Variants in GALNT13 observed in about 807,000 individuals in gnomAD.
The protein encoded by GALNT13 is polypeptide N-acetylgalactosaminyltransferase 13, also known as UDP-GalNAc:polypeptide N-acetylgalactosaminyltransferase 13.
Under a neutral mutation model 64.2 loss-of-function variants are expected in GALNT13, and 28 were observed. The observed-to-expected ratio is 0.44, with a 90% CI of 0.32 to 0.60. The LOEUF (loss-of-function observed/expected upper bound fraction) is 0.60, where lower values mean the gene tolerates loss of function less well. Ranked by LOEUF, GALNT13 falls within the 20% of genes least tolerant of loss-of-function variation. The pLI, the probability that GALNT13 is intolerant of heterozygous loss-of-function variation, is 0.05. For missense variants in GALNT13, 577 were observed against 669.8 expected (o/e 0.86, Z 1.53); for synonymous variants, 214 against 224.6 (o/e 0.95, Z 0.42).
intron 3 of GALNT13, among the ~76,000 whole-genome samples, chr2:154,062,851 T>TA (rs1558937592): frequency 4.6e-5 from 3 of 65,026 alleles, no homozygotes; most frequent in Non-Finnish European, 1.0e-4. Context: ...CAACATGGAA[T>TA]GTTTTTTTTT....
chr2:153,746,724 A>C, the GALNT13 span, among the ~76,000 whole-genome samples: 5 of 152,134 alleles, frequency 3.3e-5, no homozygotes, highest in African/African-American at 1.2e-4. Context: ...TGAGAGTTTA[A>C]GTTATTCTGT....
intron 3 of GALNT13, among the ~76,000 whole-genome samples, chr2:154,089,358 A>G (rs879787635): frequency 6.6e-6 from 1 of 151,922 alleles, no homozygotes; most frequent in Non-Finnish European, 1.5e-5. Flanking sequence ...CTTTCCTCTT[A>G]TAGCATGAAA....
intron 2 of GALNT13, among the ~76,000 whole-genome samples, chr2:153,914,924 C>T (rs780510308): frequency 6.6e-6 from 1 of 152,222 alleles, no homozygotes; most frequent in African/African-American, 2.4e-5. Flanking sequence ...AGGAGGGTGC[C>T]TGGATCCTGT....
intron 3 of GALNT13, among the ~76,000 whole-genome samples, chr2:154,131,445 T>G (rs1431085132): frequency 6.6e-6 from 1 of 152,196 alleles, no homozygotes; most frequent in Non-Finnish European, 1.5e-5. Context: ...TGTGAGGAAC[T>G]TATATCCTAG....
intron 9 of GALNT13, among the ~76,000 whole-genome samples, chr2:154,389,491 T>C (rs972111189): frequency 1.3e-5 from 2 of 152,224 alleles, no homozygotes; most frequent in Non-Finnish European, 2.9e-5. Flanking sequence ...TGCTGCAATA[T>C]GTATTCTTGT....
At chr2:154,414,839 G>A (rs1699940735) in intron 11 of GALNT13, among the ~76,000 whole-genome samples, 2 of 151,430 alleles carry the variant, frequency 1.3e-5, no homozygotes, top group African/African-American at 4.8e-5. Context: ...ACCAATGTTT[G>A]CCTTAATACT....
the GALNT13 span, among the ~76,000 whole-genome samples, chr2:153,082,042 T>C: frequency 6.6e-6 from 1 of 152,200 alleles, no homozygotes; most frequent in African/African-American, 2.4e-5. Context: ...TGTTGTTGCC[T>C]GTCTGTTGGA....
chr2:153,267,923 C>T, the GALNT13 span, among the ~76,000 whole-genome samples: 1 of 152,074 alleles, frequency 6.6e-6, no homozygotes, highest in Non-Finnish European at 1.5e-5. Flanking sequence ...GGGAAAACAC[C>T]CCAATGATTT....
At chr2:153,961,811 G>A (rs7589643) in intron 3 of GALNT13, among the ~76,000 whole-genome samples, 80,221 of 151,932 alleles carry the variant, frequency 0.53, 22,973 homozygotes, top group Non-Finnish European at 0.66. Flanking sequence ...GGAATGGACA[G>A]ATTTTATCTC....
chr2:153,635,404 A>ATATATATATACACATATATATG, the GALNT13 span, among the ~76,000 whole-genome samples: 35 of 128,404 alleles, frequency 2.7e-4, 2 homozygotes, highest in Middle Eastern at 4.2e-3. Flanking sequence ...ATATGTATAT[A>ATATATATATACACATATATATG]TATATATATA....
chr2:153,996,559 A>G (rs1025102117), intron 3 of GALNT13, among the ~76,000 whole-genome samples: 3 of 151,970 alleles, frequency 2.0e-5, no homozygotes, highest in Non-Finnish European at 4.4e-5. Context: ...TGAGTTCTTC[A>G]TATATTCTGG....
intron 5 of GALNT13, 99 bp downstream of exon 5, chr2:154,242,295 G>A (rs761551782): frequency 1.0e-6 from 1 of 974,106 alleles, no homozygotes; most frequent in South Asian, 1.7e-5. Context: ...AGATAACTAG[G>A]CAATGATCTA....
chr2:153,929,382 G>C (rs192109955), intron 2 of GALNT13, among the ~76,000 whole-genome samples: 1 of 152,170 alleles, frequency 6.6e-6, no homozygotes, highest in Admixed American at 6.6e-5. Context: ...GGGGGCAGGT[G>C]GAGGTTCGTT....
the GALNT13 span, among the ~76,000 whole-genome samples, chr2:153,821,959 G>A: frequency 6.6e-6 from 1 of 152,080 alleles, no homozygotes; most frequent in African/African-American, 2.4e-5. Flanking sequence ...ACTCAACTCT[G>A]TTCACACAAA....
chr2:154,110,197 G>GTTT lies in GALNT13; in HGVS notation c.143-30138_143-30137insTTT, dbSNP rs376381139. Among the ~76,000 whole-genome samples the GTTT allele has an allele frequency of 2.3e-3, 342 of 146,272 alleles. 4 individuals carry two copies. Among genetic ancestry groups the GTTT allele is most frequent in the African/African-American group, 7.8e-3 (310 of 39,728 alleles). On this transcript the variant is annotated intron_variant, in intron 3 of 12. Transcript: ENST00000392825. ...GATTTTGTCTTTTGTTGTTGTTGTTGTTGTTTTAGTTTTTATTTCCAAAGG... is the reference window on the plus strand; with the variant it reads ...GATTTTGTCTTTTGTTGTTGTTGTTGTTTTTGTTTTAGTTTTTATTTCCAAAGG...
At chr2:153,733,731 G>A in the GALNT13 span, among the ~76,000 whole-genome samples, 2 of 152,302 alleles carry the variant, frequency 1.3e-5, no homozygotes, top group Admixed American at 6.5e-5. Context: ...GTGGAAAGTG[G>A]AAGCCACTGC....
chr2:153,180,937 TTTTG>T, the GALNT13 span, among the ~76,000 whole-genome samples: 2 of 151,616 alleles, frequency 1.3e-5, no homozygotes, highest in South Asian at 2.1e-4. Context: ...GGTTTATTAA[TTTTG>T]TTTATCTTTT....
chr2:153,532,126 G>A, the GALNT13 span, among the ~76,000 whole-genome samples: 52,336 of 151,752 alleles, frequency 0.34, 10,042 homozygotes, highest in East Asian at 0.75. Context: ...TTTTCCCACC[G>A]CACTTCCCTA....
chr2:153,811,406 A>C, the GALNT13 span, among the ~76,000 whole-genome samples: 1 of 152,200 alleles, frequency 6.6e-6, no homozygotes, highest in Admixed American at 6.5e-5. Flanking sequence ...GGTTGCTGAG[A>C]AACTGAATCA....
Sources: gnomAD v4.1 joint callset for allele counts (sites outside exome capture counted in the v4.1 genomes callset) on GRCh38, gnomAD v4.1.1 for gene constraint, MANE v1.5 for transcripts, NCBI Gene and HGNC (gene_info 2026-07-23, HGNC 2026-07-21) for gene names.